Variants in FAM47E observed in about 807,000 individuals in gnomAD.
FAM47E encodes protein FAM47E.
In FAM47E, 32 loss-of-function variants were observed where a neutral mutation model predicts 41.6. That is an observed-to-expected ratio of 0.77 (90% CI 0.58 to 1.03). FAM47E has a LOEUF of 1.03. Among genes scored for constraint, FAM47E ranks in the 50% least tolerant of loss-of-function variants. The probability of loss-of-function intolerance (pLI) is 0.00; values close to 1 mark genes in which losing one functional copy is unlikely to be tolerated. For missense variants in FAM47E, 424 were observed against 485.4 expected, an observed-to-expected ratio of 0.87 and a Z score of 1.19; for synonymous variants, 184 against 188.7, an observed-to-expected ratio of 0.98 and a Z score of 0.20.
rs1201104930 is a variant in FAM47E, at chr4:76,263,740, C to G, written c.457C>G (p.Arg153Gly). 6.4e-7 allele frequency: 1 copy of G among 1,551,418 alleles called. No individual in the cohort carries two copies. Reference sequence around the variant, plus strand: ...GGTGCTGGAAGTGCTTGATCCTGACCGGAAGCTGGAGGACACATGGGCTTA... The same window carrying G: ...GGTGCTGGAAGTGCTTGATCCTGACGGGAAGCTGGAGGACACATGGGCTTA... ...SKVLEVLDPD[R>G]KLEDTWAYCQ... The change falls in exon 3 of 8, where the codon CGG (arginine) becomes GGG (glycine). Residue 153 changes from arginine to glycine, a missense_variant. Arg to Gly is a moderately radical substitution (Grantham distance 125, BLOSUM62 -2). Transcript: ENST00000424749.
chr4:76,231,301 A>C (rs748348350), intron 2 of FAM47E, among the ~76,000 whole-genome samples: 2 of 152,182 alleles, frequency 1.3e-5, no homozygotes, highest in Non-Finnish European at 2.9e-5. Flanking sequence ...GGTTTTCAGG[A>C]TAATTCCTCA....
At chr4:76,274,881 T>C (rs7665023) in intron 5 of FAM47E, among the ~76,000 whole-genome samples, 54,495 of 151,984 alleles carry the variant, frequency 0.36, 10,371 homozygotes, top group Admixed American at 0.42. Flanking sequence ...CTGCAAACTT[T>C]CTCTGCCTTG....
At chr4:76,227,625 T>C (rs536481715) in intron 2 of FAM47E, among the ~76,000 whole-genome samples, 7 of 152,232 alleles carry the variant, frequency 4.6e-5, no homozygotes, top group Non-Finnish European at 8.8e-5. Context: ...CAGTGGAGTA[T>C]TGAAGTCCCC....
At chr4:76,246,584 G>T (rs1278754773) in intron 2 of FAM47E, among the ~76,000 whole-genome samples, 1 of 152,010 alleles carries the variant, frequency 6.6e-6, no homozygotes, top group African/African-American at 2.4e-5. Flanking sequence ...CAAATCTGAT[G>T]TGTATAGCTC....
intron 2 of FAM47E, among the ~76,000 whole-genome samples, chr4:76,230,491 T>G (rs1161755455): frequency 6.6e-6 from 1 of 152,212 alleles, no homozygotes; most frequent in Non-Finnish European, 1.5e-5. Context: ...CCTCCCTGTC[T>G]GCCCACACGA....
At chr4:76,229,946 T>C (rs1185121054) in intron 2 of FAM47E, among the ~76,000 whole-genome samples, 2 of 152,220 alleles carry the variant, frequency 1.3e-5, no homozygotes, top group Non-Finnish European at 2.9e-5. Context: ...ATTGCTATTA[T>C]GTCCTGAGGT....
At chr4:76,237,351 GTT>G (rs71924228) in intron 2 of FAM47E, among the ~76,000 whole-genome samples, 103,166 of 141,462 alleles carry the variant, frequency 0.73, 38,412 homozygotes, top group East Asian at 0.81. Context: ...GGGCCTTAGA[GTT>G]TTTTTTTTTT....
chr4:76,232,704 G>A (rs1342605993), intron 2 of FAM47E, among the ~76,000 whole-genome samples: 4 of 152,028 alleles, frequency 2.6e-5, no homozygotes, highest in South Asian at 4.2e-4. Flanking sequence ...AAATCATCTC[G>A]TTTGCCTCTC....
chr4:76,231,666 T>C (rs1733495892), intron 2 of FAM47E, among the ~76,000 whole-genome samples: 1 of 152,220 alleles, frequency 6.6e-6, no homozygotes, highest in Admixed American at 6.5e-5. Context: ...TTGGCTTCGA[T>C]GGAAGTTTGT....
chr4:76,265,161 T>C (rs1322186882), intron 3 of FAM47E, among the ~76,000 whole-genome samples: 1 of 152,240 alleles, frequency 6.6e-6, no homozygotes, highest in Non-Finnish European at 1.5e-5. Flanking sequence ...CATTTCTGAC[T>C]CTTCAGTCCA....
chr4:76,251,640 C>T (rs1344080432), upstream of FAM47E: 3 of 1,348,038 alleles, frequency 2.2e-6, no homozygotes, highest in South Asian at 5.5e-5. Context: ...GCCAGGCGCC[C>T]GGGGCAAATA....
chr4:76,240,882 T>C (rs948574114), intron 2 of FAM47E, among the ~76,000 whole-genome samples: 2 of 152,208 alleles, frequency 1.3e-5, no homozygotes, highest in Admixed American at 1.3e-4. Context: ...CTTTGTCTAA[T>C]AGATCCTCCA....
chr4:76,282,045 GTATGTAGAAGTACAGTACATTT>G (rs1560755287), intron 7 of FAM47E: 8 of 56,798 alleles, frequency 1.4e-4, no homozygotes, highest in East Asian at 3.2e-4. Flanking sequence ...CATAACATTT[GTATGTAGAAGTACAGTACATTT>G]GTATGTAGAA....
chr4:76,279,136 G>A (rs1207981911), intron 6 of FAM47E: 1 of 152,012 alleles, frequency 6.6e-6, no homozygotes, highest in Non-Finnish European at 1.5e-5. Context: ...AAATTTATGA[G>A]CACCCCATGT....
intron 2 of FAM47E, among the ~76,000 whole-genome samples, chr4:76,218,181 C>T (rs1333659522): frequency 6.6e-6 from 1 of 152,184 alleles, no homozygotes; most frequent in Non-Finnish European, 1.5e-5. Flanking sequence ...CTCCAAGATA[C>T]TTCTAAAAGT....
chr4:76,253,903 G>C (rs545661100), intron 1 of FAM47E, among the ~76,000 whole-genome samples: 77 of 151,688 alleles, frequency 5.1e-4, no homozygotes, highest in Non-Finnish European at 1.0e-3. Context: ...ACTTGAACCC[G>C]AAGTTTGAGA....
chr4:76,229,426 A>G (rs552590506), intron 2 of FAM47E, among the ~76,000 whole-genome samples: 1 of 152,266 alleles, frequency 6.6e-6, no homozygotes. Context: ...TTGTTTTGTC[A>G]TATTACCAGA....
chr4:76,233,792 T>A (rs1247491924), intron 2 of FAM47E, among the ~76,000 whole-genome samples: 1 of 152,056 alleles, frequency 6.6e-6, no homozygotes, highest in Non-Finnish European at 1.5e-5. Flanking sequence ...GCCCCCAATA[T>A]GTAAAACCAG....
At chr4:76,214,247 G>A (rs138200779) in exon 1 of FAM47E, 1 of 455,296 alleles carries the variant, frequency 2.2e-6, no homozygotes, top group African/African-American at 2.0e-5. Flanking sequence ...AATGTAGCAA[G>A]TGCTTCTACC....
Sources: allele counts gnomAD v4.1 joint callset (sites outside exome capture counted in the v4.1 genomes callset), GRCh38; gene constraint gnomAD v4.1.1; transcripts MANE v1.5; gene names NCBI Gene and HGNC (gene_info 2026-07-23, HGNC 2026-07-21).